THSD7B: variants seen among roughly 807,000 people sequenced by gnomAD.
THSD7B encodes thrombospondin type-1 domain-containing protein 7B.
A neutral mutation model predicts 213.6 loss-of-function variants in THSD7B; 138 were observed. The observed-to-expected ratio is 0.65, with a 90% CI of 0.56 to 0.74. The LOEUF (loss-of-function observed/expected upper bound fraction) is 0.74, where lower values mean the gene tolerates loss of function less well. THSD7B is among the 30% of genes least tolerant of loss of function. The probability of loss-of-function intolerance (pLI) is 0.00; values close to 1 mark genes in which losing one functional copy is unlikely to be tolerated. For synonymous variants in THSD7B, 742 were observed against 687.0 expected (o/e 1.08, Z -1.25); for missense variants, 1,931 against 1,991.5 (o/e 0.97, Z 0.58).
intron 15 of THSD7B, among the ~76,000 whole-genome samples, chr2:137,537,548 T>G (rs993814621): frequency 1.3e-5 from 2 of 151,676 alleles, no homozygotes; most frequent in African/African-American, 4.8e-5. Context: ...GATGATGGGT[T>G]GTATAACTCT....
chr2:137,021,508 A>G (rs1350971956), intron 2 of THSD7B, among the ~76,000 whole-genome samples: 2 of 152,170 alleles, frequency 1.3e-5, no homozygotes, highest in African/African-American at 4.8e-5. Context: ...CAATTATTGG[A>G]GAAAGTTGGT....
At chr2:136,856,335 G>T (rs1481965542) in intron 1 of THSD7B, among the ~76,000 whole-genome samples, 1 of 152,154 alleles carries the variant, frequency 6.6e-6, no homozygotes, top group Non-Finnish European at 1.5e-5. Flanking sequence ...CTTTTTAACA[G>T]GCTGAGGCCA....
chr2:137,040,995 G>A (rs1686873071), intron 2 of THSD7B, among the ~76,000 whole-genome samples: 1 of 152,138 alleles, frequency 6.6e-6, no homozygotes, highest in African/African-American at 2.4e-5. Flanking sequence ...CAGTAAGTTG[G>A]TGCCAAGGGA....
intron 1 of THSD7B, among the ~76,000 whole-genome samples, chr2:136,826,425 C>T (rs1573656443): frequency 1.4e-5 from 2 of 147,482 alleles, no homozygotes; most frequent in East Asian, 3.9e-4. Context: ...CCTCTGATTT[C>T]TTGTTCATTT....
At chr2:137,056,180 G>A (rs1190715214) in intron 2 of THSD7B, among the ~76,000 whole-genome samples, 4 of 152,138 alleles carry the variant, frequency 2.6e-5, no homozygotes, top group African/African-American at 9.7e-5. Flanking sequence ...TTATATAGGT[G>A]AGGAACTTTC....
At chr2:137,334,115 A>G (rs1275561279) in intron 12 of THSD7B, among the ~76,000 whole-genome samples, 1 of 152,190 alleles carries the variant, frequency 6.6e-6, no homozygotes, top group Non-Finnish European at 1.5e-5. Flanking sequence ...GACAGGACAG[A>G]TTTGACATAC....
In THSD7B at chr2:137,655,559, G is replaced by T; in HGVS notation, c.4004G>T (p.Gly1335Val). 1 of 1,612,770 alleles carries T rather than the reference G, an allele frequency of 6.2e-7. No homozygotes were observed. The highest frequency in any genetic ancestry group is 1.1e-5 in the South Asian group (1 of 90,678). ...AGCCTTTCCTGCATGGTCCACAGTG[G>T]TTCAATATCTCATGCAGCTGGACGT... is the stretch of plus-strand genomic sequence containing the variant. Reference protein sequence around the residue: ...IRSLSCMVHSGSISHAAGRVE... With the variant: ...IRSLSCMVHSVSISHAAGRVE... Residue 1335 changes from glycine (G) to valine (V), a missense_variant, in exon 22 of 28, where the codon GGT becomes GTT. Physicochemically the swap from Gly to Val is moderately radical, Grantham distance 109. Transcript: ENST00000409968.
intron 12 of THSD7B, among the ~76,000 whole-genome samples, chr2:137,363,150 G>T (rs569256986): frequency 6.6e-6 from 1 of 152,102 alleles, no homozygotes; most frequent in African/African-American, 2.4e-5. Context: ...GGTAAATAAC[G>T]AAATGAAGGC....
rs116555747 is a variant in THSD7B, at chr2:137,363,817, A to T, written c.2501-41796A>T. ...CGAATTCTAGTGGAGGTATGAAGAA[A>T]GGAGCTGGTACCATTCTTTCTGAAA... On this transcript the variant is annotated intron_variant, in intron 12 of 27. Coordinates refer to ENST00000409968, the MANE Select transcript of THSD7B (RefSeq NM_001316349.2). Among the ~76,000 whole-genome samples, 632 of 152,344 alleles carry T rather than the reference A, an allele frequency of 4.1e-3. 5 individuals carry two copies. Among genetic ancestry groups the T allele is most frequent in the African/African-American group, 0.015 (603 of 41,580 alleles).
chr2:137,114,732 A>G (rs1486262501), intron 4 of THSD7B, among the ~76,000 whole-genome samples: 3 of 152,226 alleles, frequency 2.0e-5, no homozygotes, highest in Non-Finnish European at 4.4e-5. Flanking sequence ...AGAAAAGCCA[A>G]CTTTCACACA....
At chr2:137,577,132 G>C (rs13393631) in intron 17 of THSD7B, among the ~76,000 whole-genome samples, 80,946 of 151,850 alleles carry the variant, frequency 0.53, 22,215 homozygotes, top group African/African-American at 0.65. Flanking sequence ...ATAATCTGGA[G>C]TGTAAATTCT....
intron 12 of THSD7B, among the ~76,000 whole-genome samples, chr2:137,363,822 C>G (rs1685334243): frequency 1.3e-5 from 2 of 152,202 alleles, no homozygotes; most frequent in Admixed American, 6.5e-5. Flanking sequence ...AAGAAAGGAG[C>G]TGGTACCATT....
chr2:137,094,862 G>GA lies in THSD7B; in HGVS notation c.951-11_951-10insA, dbSNP rs754865947. ...ATATGGCCTCCTATTTTCTACTTCTGTTTTTTTCAGCCTTTGCCTTCAAGA... is the reference window on the plus strand; with the variant it reads ...ATATGGCCTCCTATTTTCTACTTCTGATTTTTTTCAGCCTTTGCCTTCAAGA... On this transcript the variant is annotated splice_polypyrimidine_tract_variant and intron_variant, in intron 3 of 27. Coordinates refer to ENST00000409968, the MANE Select transcript of THSD7B (RefSeq NM_001316349.2). The GA allele has an allele frequency of 6.2e-7, 1 of 1,606,812 alleles. No individual in the cohort carries two copies. The highest frequency in any genetic ancestry group is 8.5e-7 in the Non-Finnish European group (1 of 1,175,048).
chr2:137,115,084 T>TTAC, intron 4 of THSD7B, 40 bp from the exon 5 acceptor site: 7 of 1,608,134 alleles, frequency 4.4e-6, no homozygotes, highest in Non-Finnish European at 6.0e-6. Flanking sequence ...TATATTTTTC[T>TTAC]TACTTCTTCT....
chr2:137,631,089 A>G (rs555107514), intron 20 of THSD7B, among the ~76,000 whole-genome samples: 28 of 152,268 alleles, frequency 1.8e-4, no homozygotes, highest in African/African-American at 6.7e-4. Context: ...TTGCCTCTTT[A>G]ATGTATACCT....
chr2:136,924,782 A>G (rs749181143), intron 2 of THSD7B, among the ~76,000 whole-genome samples: 7 of 152,172 alleles, frequency 4.6e-5, no homozygotes, highest in Non-Finnish European at 1.0e-4. Context: ...GATCATTTTA[A>G]CAATCTTATT....
chr2:137,450,522 C>T (rs1687627554), intron 14 of THSD7B, among the ~76,000 whole-genome samples: 1 of 152,140 alleles, frequency 6.6e-6, no homozygotes, highest in Non-Finnish European at 1.5e-5. Context: ...AGGAGGGAAA[C>T]ACAAGGCCTA....
intron 2 of THSD7B, among the ~76,000 whole-genome samples, chr2:136,978,146 C>T (rs1316331612): frequency 6.6e-6 from 1 of 152,142 alleles, no homozygotes; most frequent in African/African-American, 2.4e-5. Context: ...GCGCTGTGGT[C>T]TAACAAACTG....
At chr2:137,493,076 G>GCACCAT (rs754591590) in intron 15 of THSD7B, among the ~76,000 whole-genome samples, 1 of 116,236 alleles carries the variant, frequency 8.6e-6, no homozygotes, top group Non-Finnish European at 1.6e-5. Flanking sequence ...AGCCGAAATT[G>GCACCAT]CACCATTGCA....
Sources: allele counts gnomAD v4.1 joint callset (sites outside exome capture counted in the v4.1 genomes callset), GRCh38; gene constraint gnomAD v4.1.1; transcripts MANE v1.5; gene names NCBI Gene and HGNC (gene_info 2026-07-23, HGNC 2026-07-21).